COMT: variants seen among roughly 807,000 people sequenced by gnomAD.
COMT encodes catechol O-methyltransferase.
A neutral mutation model predicts 18.9 loss-of-function variants in COMT; 13 were observed. The ratio of observed to expected loss-of-function variants is 0.69; its 90% CI spans 0.45 to 1.09. The LOEUF (loss-of-function observed/expected upper bound fraction) is 1.09. Ranked by LOEUF, COMT falls within the 50% of genes least tolerant of loss-of-function variation. COMT has a pLI of 0.00. For synonymous variants in COMT, 150 were observed against 160.9 expected (o/e 0.93, Z 0.51); for missense variants, 329 against 361.8 (o/e 0.91, Z 0.73).
intron 1 of COMT, among the ~76,000 whole-genome samples, chr22:19,948,113 A>G (rs1941869672): frequency 6.6e-6 from 1 of 152,248 alleles, no homozygotes; most frequent in Non-Finnish European, 1.5e-5. Flanking sequence ...GATTAACAAT[A>G]TTCATATATA....
chr22:19,964,109 G>A, intron 4 of COMT, 59 bp from the exon 5 acceptor site: 1 of 1,613,504 alleles, frequency 6.2e-7, no homozygotes. Flanking sequence ...CTGTTGTATA[G>A]GTGTGTAGGG....
intron 1 of COMT, among the ~76,000 whole-genome samples, chr22:19,953,935 G>A (rs569612849): frequency 3.8e-4 from 58 of 152,290 alleles, no homozygotes; most frequent in Non-Finnish European, 6.9e-4. Flanking sequence ...AAGCGAATGT[G>A]CGACCACCAT....
intron 2 of COMT, chr22:19,961,825 T>C (rs1448928224): frequency 6.6e-6 from 1 of 152,576 alleles, no homozygotes; most frequent in Non-Finnish European, 1.5e-5. Context: ...ACCAGGAGGA[T>C]TTCAAACAGG....
At chr22:19,953,652 C>T (rs1367927710) in intron 1 of COMT, among the ~76,000 whole-genome samples, 2 of 152,172 alleles carry the variant, frequency 1.3e-5, no homozygotes, top group Non-Finnish European at 2.9e-5. Flanking sequence ...GCAGGGCAGG[C>T]TCCCGGGCTC....
At chr22:19,967,055 C>A (rs1942439070) in intron 5 of COMT, 1 of 1,212,570 alleles carries the variant, frequency 8.2e-7, no homozygotes, top group Admixed American at 3.5e-5. Context: ...GTGCTGCCTT[C>A]TTTCCCCTCT....
At chr22:19,961,535 C>T (rs1250749496) in intron 2 of COMT, among the ~76,000 whole-genome samples, 2 of 152,164 alleles carry the variant, frequency 1.3e-5, no homozygotes, top group African/African-American at 2.4e-5. Flanking sequence ...CCTCTGTGGC[C>T]CTAGGCCTGC....
In COMT at chr22:19,964,155, G is replaced by A; in HGVS notation, c.484-13G>A. On this transcript the variant is annotated splice_polypyrimidine_tract_variant and intron_variant, in intron 4 of 5. Transcript: ENST00000361682. ...GTCTGTGAGGACGTGGGCACTGACAGGCGCTGTTCCAGGTCACCCTTGTGG... is the reference window on the plus strand; with the variant it reads ...GTCTGTGAGGACGTGGGCACTGACAAGCGCTGTTCCAGGTCACCCTTGTGG... 4 of 1,614,050 alleles carry A rather than the reference G, an allele frequency of 2.5e-6. No homozygotes were observed. In the South Asian group the frequency reaches 3.3e-5, roughly 13 times the overall value.
At chr22:19,942,004 T>G (rs1941742275) in intron 1 of COMT, 107 bp downstream of exon 1, 1 of 461,098 alleles carries the variant, frequency 2.2e-6, no homozygotes. Context: ...CGGACCGCTG[T>G]GAAGTGATCT....
intron 1 of COMT, among the ~76,000 whole-genome samples, chr22:19,958,996 A>G (rs1369310155): frequency 6.6e-6 from 1 of 152,164 alleles, no homozygotes; most frequent in African/African-American, 2.4e-5. Context: ...GGGGCATTCA[A>G]AACTGTCTTT....
At position 19,968,619 on chromosome 22, in the gene COMT, GC is replaced by G; in HGVS notation, c.700del (p.Arg234AlafsTer55). On this transcript the variant is annotated frameshift_variant, in exon 6 of 6. Transcript: ENST00000361682. LOFTEE classifies it low-confidence loss of function (END_TRUNC). ...GTGCGCCAGACTTCCTAGCACACGT[GC>G]GCGGGAGCAGCTGCTTTGAGTGCAC... ...PGAPDFLAHV[R>X]GSSCFECTHY... is the part of the protein sequence containing the mutation. The G allele has an allele frequency of 6.2e-7, 1 of 1,614,088 alleles. No individual in the cohort carries two copies. The highest frequency in any genetic ancestry group is 1.1e-5 in the South Asian group (1 of 91,082).
rs891228883 is a variant in COMT, at chr22:19,968,764, C to G, written c.*28C>G. Reference sequence around the variant, plus strand: ...GCCCCCCCGGCCCCCCTCTCGGGCTCTCTCACCCAGCCTGGTACTGAAGGT... The same window carrying G: ...GCCCCCCCGGCCCCCCTCTCGGGCTGTCTCACCCAGCCTGGTACTGAAGGT... On this transcript the variant is annotated 3_prime_UTR_variant, in exon 6 of 6. Transcript: ENST00000361682. The G allele has an allele frequency of 2.5e-6, 4 of 1,597,236 alleles. No homozygotes were observed. The African/African-American group carries it at 5.4e-5, about 21-fold the overall frequency.
At chr22:19,942,665 C>T (rs1324956440) in intron 1 of COMT, among the ~76,000 whole-genome samples, 2 of 120,596 alleles carry the variant, frequency 1.7e-5, no homozygotes, top group East Asian at 7.1e-4. Context: ...GTAGGAGCTG[C>T]CCTGCAGAGC....
At chr22:19,956,137 C>CCTT (rs1569129365) in intron 1 of COMT, among the ~76,000 whole-genome samples, 5 of 84,806 alleles carry the variant, frequency 5.9e-5, no homozygotes, top group Admixed American at 1.8e-4. Context: ...TTCTTTTTTT[C>CCTT]TTTTTTTTTT....
chr22:19,951,554 T>G (rs1219914712), intron 1 of COMT: 1 of 152,160 alleles, frequency 6.6e-6, no homozygotes, highest in Non-Finnish European at 1.5e-5. Flanking sequence ...GTACACTGTG[T>G]GCTCCGGTTG....
At chr22:19,943,557 G>T (rs572506637) in intron 1 of COMT, among the ~76,000 whole-genome samples, 1 of 151,808 alleles carries the variant, frequency 6.6e-6, no homozygotes, top group African/African-American at 2.4e-5. Flanking sequence ...TGAAAAGATC[G>T]TTTGAGCCTG....
chr22:19,951,512 G>A (rs1375253836), intron 1 of COMT: 1 of 152,256 alleles, frequency 6.6e-6, no homozygotes, highest in Non-Finnish European at 1.5e-5. Flanking sequence ...TCCCGCATGA[G>A]CAGGCAGAGT....
intron 1 of COMT, 157 bp downstream of exon 1, chr22:19,942,054 T>G: frequency 1.3e-5 from 5 of 391,390 alleles, no homozygotes; most frequent in Non-Finnish European, 4.5e-6. Flanking sequence ...GTGGGGAATC[T>G]GGATGGGAAC....
rs1941735991 is a variant in COMT at position 19,941,875 on chromosome 22, C to T, written c.-114C>T. ...GCGCCGGACCGGGGCGGGTCCAGTCCCGGGCGGGCCGTCGCGGGAGAGGTG... is the reference window on the plus strand; with the variant it reads ...GCGCCGGACCGGGGCGGGTCCAGTCTCGGGCGGGCCGTCGCGGGAGAGGTG... On this transcript the variant is annotated 5_prime_UTR_variant, in exon 1 of 6. Transcript: ENST00000361682. 4 of 1,389,234 alleles carry T rather than the reference C, an allele frequency of 2.9e-6. No individual in the cohort carries two copies. The highest frequency in any genetic ancestry group is 3.1e-5 in the South Asian group (2 of 63,830). The allele number at this position is 1,389,234 out of a possible 1,614,324, so 86.1% of individuals were successfully genotyped here.
intron 2 of COMT, 22 bp downstream of exon 2, chr22:19,961,311 G>C (rs984825936): frequency 6.6e-6 from 1 of 152,524 alleles, no homozygotes; most frequent in Non-Finnish European, 1.5e-5. Context: ...AACGGAAGCC[G>C]GGGCAGTGCC....
Sources: gnomAD v4.1 joint callset for allele counts (sites outside exome capture counted in the v4.1 genomes callset) on GRCh38, gnomAD v4.1.1 for gene constraint, MANE v1.5 for transcripts, NCBI Gene and HGNC (gene_info 2026-07-23, HGNC 2026-07-21) for gene names.